The following PCDH7 variants were observed in gnomAD, a reference collection of about 807,000 sequenced individuals.
PCDH7 encodes protocadherin 7, also known as protocadherin-7.
Under a neutral mutation model 58.9 loss-of-function variants are expected in PCDH7, and 17 were observed. The observed-to-expected ratio is 0.29, with a 90% CI of 0.20 to 0.43. The LOEUF is 0.43. Among genes scored for constraint, PCDH7 ranks in the 20% least tolerant of loss-of-function variants. The pLI is 1.00. For missense variants in PCDH7, 1,274 were observed against 1,441.0 expected, an observed-to-expected ratio of 0.88 and a Z score of 1.88; for synonymous variants, 664 against 616.4, an observed-to-expected ratio of 1.08 and a Z score of -1.14.
chr4:31,094,686 C>T (rs1260378798), intron 3 of PCDH7, among the ~76,000 whole-genome samples: 3 of 152,084 alleles, frequency 2.0e-5, no homozygotes, highest in South Asian at 2.1e-4. Context: ...ACCTGCCCTT[C>T]GTCCAGATAC....
At chr4:30,959,341 A>G (rs1007966364) in intron 3 of PCDH7, among the ~76,000 whole-genome samples, 2 of 152,042 alleles carry the variant, frequency 1.3e-5, no homozygotes, top group South Asian at 2.1e-4. Flanking sequence ...CAGTACCATT[A>G]GCAATTAAAG....
chr4:30,920,259 G>A (rs770200450), exon 2 of PCDH7: 1 of 1,367,640 alleles, frequency 7.3e-7, no homozygotes, highest in East Asian at 4.6e-5. Flanking sequence ...GAAACACCAA[G>A]CAGTAAGAGT....
intron 1 of PCDH7, among the ~76,000 whole-genome samples, chr4:30,820,656 A>G (rs1263876709): frequency 6.6e-6 from 1 of 152,126 alleles, no homozygotes; most frequent in Non-Finnish European, 1.5e-5. Flanking sequence ...GTAGGTCACA[A>G]CCATCACATC....
At chr4:30,770,870 T>G (rs759665781) in intron 1 of PCDH7, among the ~76,000 whole-genome samples, 16 of 152,188 alleles carry the variant, frequency 1.1e-4, no homozygotes, top group Non-Finnish European at 1.8e-4. Flanking sequence ...CCATATACAC[T>G]ATATGATTTA....
At chr4:30,891,667 T>G (rs1267142118) in intron 1 of PCDH7, among the ~76,000 whole-genome samples, 2 of 151,964 alleles carry the variant, frequency 1.3e-5, no homozygotes, top group African/African-American at 2.4e-5. Flanking sequence ...AACTCCATCA[T>G]GGGAAGGGCA....
chr4:31,111,255 C>T (rs557543289), intron 3 of PCDH7, among the ~76,000 whole-genome samples: 1 of 151,564 alleles, frequency 6.6e-6, no homozygotes, highest in Non-Finnish European at 1.5e-5. Flanking sequence ...AAAAGAAACT[C>T]AACCTTTTCA....
intron 1 of PCDH7, among the ~76,000 whole-genome samples, chr4:30,781,354 A>G (rs941304744): frequency 6.6e-6 from 1 of 151,696 alleles, no homozygotes; most frequent in Admixed American, 6.6e-5. Flanking sequence ...GTTAGCCAGG[A>G]TGTTCTCGAT....
intron 2 of PCDH7, among the ~76,000 whole-genome samples, chr4:30,930,832 T>C (rs1744484380): frequency 6.6e-6 from 1 of 151,954 alleles, no homozygotes; most frequent in African/African-American, 2.4e-5. Context: ...CTAGCCACTT[T>C]GGAGGTTGAT....
At chr4:30,741,204 C>T (rs1175142009) in intron 1 of PCDH7, among the ~76,000 whole-genome samples, 1 of 152,002 alleles carries the variant, frequency 6.6e-6, no homozygotes, top group South Asian at 2.1e-4. Context: ...GAGGCTGTTT[C>T]CTTAGTCCAC....
chr4:30,786,217 G>A (rs1277409855), intron 1 of PCDH7, among the ~76,000 whole-genome samples: 1 of 152,044 alleles, frequency 6.6e-6, no homozygotes, highest in Non-Finnish European at 1.5e-5. Context: ...TATAGAGAAA[G>A]TGAGCTATCT....
chr4:30,733,152 G>A (rs1378734430), downstream of PCDH7, among the ~76,000 whole-genome samples: 2 of 152,130 alleles, frequency 1.3e-5, no homozygotes, highest in African/African-American at 4.8e-5. Context: ...GGTGCCTGTG[G>A]ACAACGGACA....
chr4:30,740,471 C>T (rs140389684), intron 1 of PCDH7, among the ~76,000 whole-genome samples: 1,589 of 151,972 alleles, frequency 0.01, 35 homozygotes, highest in African/African-American at 0.036. Context: ...TATTTTATTT[C>T]AATATTCTTC....
chr4:31,130,580 C>T (rs762724979), intron 3 of PCDH7, among the ~76,000 whole-genome samples: 2 of 152,106 alleles, frequency 1.3e-5, no homozygotes, highest in Non-Finnish European at 2.9e-5. Context: ...AGTCTTAAGG[C>T]AATGAAAATT....
intron 3 of PCDH7, among the ~76,000 whole-genome samples, chr4:30,965,180 T>C (rs1215585856): frequency 6.6e-6 from 1 of 152,184 alleles, no homozygotes; most frequent in African/African-American, 2.4e-5. Context: ...GTAATTTACA[T>C]TTTAATCATA....
At chr4:30,936,292 G>A (rs966994827) in intron 2 of PCDH7, among the ~76,000 whole-genome samples, 5 of 151,882 alleles carry the variant, frequency 3.3e-5, no homozygotes, top group Admixed American at 6.6e-5. Flanking sequence ...ATGGAAAGTT[G>A]TAGTTAATAC....
intron 3 of PCDH7, among the ~76,000 whole-genome samples, chr4:31,032,326 G>T (rs117324948): frequency 6.6e-6 from 1 of 152,242 alleles, no homozygotes; most frequent in East Asian, 1.9e-4. Context: ...AATAATACAT[G>T]GCTGGACCTT....
At chr4:31,050,765 A>T in intron 3 of PCDH7, among the ~76,000 whole-genome samples, 1 of 152,194 alleles carries the variant, frequency 6.6e-6, no homozygotes. Context: ...GTAATTAAGT[A>T]GATAACATTT....
chr4:30,827,721 G>C lies in PCDH7; in HGVS notation c.71-92432G>C, dbSNP rs533633546. 2.6e-5 allele frequency among the ~76,000 whole-genome samples: 4 copies of C among 152,184 alleles called. No homozygotes were observed. The South Asian group carries it at 8.3e-4, about 32-fold the overall frequency. On this transcript the variant is annotated intron_variant, in intron 1 of 3. Transcript: ENST00000509759. ...TCTGCTGAGTACAGATCAGTGAAGA[G>C]AGTAGCCTGTAGGAGATTACTATGT...
At chr4:31,022,574 A>G (rs1054776458) in intron 3 of PCDH7, among the ~76,000 whole-genome samples, 1 of 152,178 alleles carries the variant, frequency 6.6e-6, no homozygotes. Flanking sequence ...GACCACATAA[A>G]TGTCAAAAAG....
Sources: allele counts gnomAD v4.1 joint callset (sites outside exome capture counted in the v4.1 genomes callset), GRCh38; gene constraint gnomAD v4.1.1; transcripts MANE v1.5; gene names NCBI Gene and HGNC (gene_info 2026-07-23, HGNC 2026-07-21).